The following TLE3 variants were observed in gnomAD, a reference collection of about 807,000 sequenced individuals.
The protein encoded by TLE3 is TLE family member 3, transcriptional corepressor.
A neutral mutation model predicts 93.0 loss-of-function variants in TLE3; 14 were observed. The observed-to-expected ratio is 0.15, with a 90% CI of 0.10 to 0.24. The LOEUF (loss-of-function observed/expected upper bound fraction) is 0.24. Among genes scored for constraint, TLE3 ranks in the 10% least tolerant of loss-of-function variants. The pLI is 1.00. For synonymous variants in TLE3, 451 were observed against 425.0 expected (o/e 1.06, Z -0.75); for missense variants, 693 against 1,046.6 (o/e 0.66, Z 4.66).
intron 4 of TLE3, among the ~76,000 whole-genome samples, chr15:70,089,189 GCCAAGCAAAGC>G (rs2058184982): frequency 6.6e-6 from 1 of 152,134 alleles, no homozygotes; most frequent in Admixed American, 6.5e-5. Context: ...TCAGACTCGC[GCCAAGCAAAGC>G]CCTCAGTGAA....
chr15:70,058,352 G>C lies in TLE3; in HGVS notation c.919-61C>G, dbSNP rs1229442042. 9 of 1,538,770 alleles carry C rather than the reference G, an allele frequency of 5.8e-6. No homozygotes were observed. The highest frequency in any genetic ancestry group is 7.9e-6 in the Non-Finnish European group (9 of 1,141,674). ...AGGCTTCCATTCTCCTAGGAGCCGG[G>C]CACAACTGGTGCCGGTCCCAACGTG... is the stretch of plus-strand genomic sequence containing the variant. On this transcript the variant is annotated intron_variant, in intron 11 of 19. Transcript: ENST00000451782. This position sits in a 1 kb window ranked among gnomAD's most constrained non-coding sequence, Gnocchi z 4.1.
intron 4 of TLE3, among the ~76,000 whole-genome samples, chr15:70,091,856 T>C (rs1473571229): frequency 6.6e-6 from 1 of 152,076 alleles, no homozygotes; most frequent in Non-Finnish European, 1.5e-5. Context: ...AAAAAAAATA[T>C]GTGGTGGTGA....
chr15:70,095,538 G>A lies in TLE3; in HGVS notation c.189+40C>T, dbSNP rs2058513045. On this transcript the variant is annotated intron_variant, in intron 3 of 19. Coordinates refer to ENST00000451782, the MANE Select transcript of TLE3 (RefSeq NM_001105192.3). The stretch of plus-strand genomic sequence containing the variant: ...CCACGCCGCGCCCCCGGCCGGGGTC[G>A]GCGCCCCAACCGCCCCCCAGGCCCG... 5.2e-6 allele frequency: 8 copies of A among 1,547,376 alleles called. No individual in the cohort carries two copies. In the South Asian group the frequency reaches 9.5e-5, roughly 18 times the overall value.
chr15:70,093,727 A>T (rs1164106893), intron 4 of TLE3, among the ~76,000 whole-genome samples: 9 of 152,180 alleles, frequency 5.9e-5, no homozygotes, highest in Non-Finnish European at 2.9e-5. Context: ...GGGTGTTTGT[A>T]TTTGCTCGGT....
At chr15:70,084,179 C>T (rs972553535) in intron 4 of TLE3, among the ~76,000 whole-genome samples, 1 of 152,202 alleles carries the variant, frequency 6.6e-6, no homozygotes, top group Non-Finnish European at 1.5e-5. Context: ...CACAGGAAGA[C>T]CAGGTGGTAA....
rs1198204964 is a variant in TLE3, at chr15:70,057,627, G to A, written c.1083C>T (p.Thr361=). Residue 361 remains threonine (T), a synonymous_variant, in exon 13 of 20, where the codon ACC becomes ACT. Coordinates refer to ENST00000451782, the MANE Select transcript of TLE3 (RefSeq NM_001105192.3). The stretch of plus-strand genomic sequence containing the variant: ...TGGCGAAGGGCGCCGCATAGGAGCT[G>A]GTGATGGAGATGGGCGTGCGCAGAG... ...ASALRTPISI[T]SSYAAPFAMM... The A allele has an allele frequency of 1.3e-6, 2 of 1,585,802 alleles. No individual in the cohort carries two copies. Among genetic ancestry groups the A allele is most frequent in the Non-Finnish European group, 1.7e-6 (2 of 1,169,466 alleles).
intron 10 of TLE3, 68 bp downstream of exon 10, chr15:70,059,342 A>T (rs1212382706): frequency 6.5e-7 from 1 of 1,537,190 alleles, no homozygotes; most frequent in Non-Finnish European, 8.8e-7. Flanking sequence ...AATAGATCCC[A>T]CCCTGGGGAG....
chr15:70,055,447 A>C, intron 14 of TLE3, 149 bp from the exon 15 acceptor site: 10 of 1,046,608 alleles, frequency 9.6e-6, no homozygotes, highest in Non-Finnish European at 1.3e-5. Context: ...CAGTAACCCC[A>C]TGTACTGGGA....
chr15:70,051,950 G>A (rs1566978336), intron 18 of TLE3, among the ~76,000 whole-genome samples: 1 of 152,180 alleles, frequency 6.6e-6, no homozygotes, highest in African/African-American at 2.4e-5. Context: ...TGCTATTCCC[G>A]ACCAGAGAGA....
chr15:70,065,753 A>G (rs2056774253), intron 7 of TLE3, among the ~76,000 whole-genome samples: 1 of 152,224 alleles, frequency 6.6e-6, no homozygotes, highest in Non-Finnish European at 1.5e-5. Context: ...AGGGTGTTGT[A>G]GGAAGATGGG....
At chr15:70,095,133 G>A (rs975896486) in intron 3 of TLE3, among the ~76,000 whole-genome samples, 50 of 152,184 alleles carry the variant, frequency 3.3e-4, no homozygotes, top group African/African-American at 8.7e-4. Context: ...GGGGAAGGAG[G>A]GCTTCTGTCC....
rs971889364 is a variant in TLE3 at position 70,057,609 on chromosome 15, G to A, written c.1101C>T (p.Pro367=). 2.5e-6 allele frequency: 4 copies of A among 1,592,638 alleles called. No individual in the cohort carries two copies. Among genetic ancestry groups the A allele is most frequent in the Non-Finnish European group, 3.4e-6 (4 of 1,171,778 alleles). The change falls in exon 13 of 20, where the codon CCC becomes CCT. Residue 367 remains proline, a synonymous_variant. Transcript: ENST00000451782. ...PISITSSYAA[P]FAMMSHHEMN... is the part of the protein sequence containing the mutation. ...TCTCATGGTGGCTCATCATGGCGAA[G>A]GGCGCCGCATAGGAGCTGGTGATGG...
chr15:70,058,921 G>T lies in TLE3; in HGVS notation c.766-106C>A. 1 of 1,401,876 alleles carries T rather than the reference G, an allele frequency of 7.1e-7. No individual in the cohort carries two copies. The highest frequency in any genetic ancestry group is 9.3e-7 in the Non-Finnish European group (1 of 1,071,672). 86.8% of individuals were successfully genotyped at this position (1,401,876 alleles called of 1,614,324 possible). On this transcript the variant is annotated intron_variant, in intron 10 of 19. Transcript: ENST00000451782. The surrounding 1 kb of genome is among the most constrained non-coding windows in gnomAD (Gnocchi z 4.1). ...GAGGGCATGGGCGATGGGAAGACGA[G>T]CTTGGCTGAAAGACTGGGGGCCCCA...
chr15:70,064,464 T>C lies in TLE3; in HGVS notation c.584A>G (p.Glu195Gly). Residue 195 changes from glutamate to glycine, a missense_variant, in exon 8 of 20, where the codon GAA (glutamate) becomes GGA (glycine). Physicochemically the swap from Glu to Gly is moderately conservative, Grantham distance 98. This residue lies in a region of TLE3 where 405 missense variants were observed against 468.9 expected (regional missense o/e 0.86). Transcript: ENST00000451782. Reference sequence around the variant, plus strand: ...AGTGCCAACACTTACCGCACTGGATTCTCTCTCTTTGGGGAAAGAAGGCCA... The same window carrying C: ...AGTGCCAACACTTACCGCACTGGATCCTCTCTCTTTGGGGAAAGAAGGCCA... ...NHHELDHRER[E>G]SSANNSVSPS... 1 of 1,613,846 alleles carries C rather than the reference T, an allele frequency of 6.2e-7. No homozygotes were observed. The highest frequency in any genetic ancestry group is 8.5e-7 in the Non-Finnish European group (1 of 1,179,808).
At chr15:70,052,917 C>T (rs1430486868) in intron 17 of TLE3, 4 of 362,482 alleles carry the variant, frequency 1.1e-5, no homozygotes, top group Non-Finnish European at 1.5e-5. Flanking sequence ...CAGGTGCCCA[C>T]ATCAGACCTA....
intron 4 of TLE3, among the ~76,000 whole-genome samples, chr15:70,082,170 T>G (rs1424690884): frequency 6.6e-6 from 1 of 152,236 alleles, no homozygotes; most frequent in Non-Finnish European, 1.5e-5. Context: ...TAACTTAAAA[T>G]ATCCCATTGC....
At chr15:70,055,845 T>G in intron 14 of TLE3, 1 of 248,862 alleles carries the variant, frequency 4.0e-6, no homozygotes, top group East Asian at 1.1e-4. Flanking sequence ...GGCTCAATCT[T>G]TTAGTTTCCT....
intron 6 of TLE3, among the ~76,000 whole-genome samples, chr15:70,073,191 C>T (rs1172688144): frequency 1.3e-5 from 2 of 152,134 alleles, no homozygotes; most frequent in East Asian, 3.9e-4. Flanking sequence ...TTCCAGCCTC[C>T]CAGCATTCCT....
At chr15:70,081,264 A>T (rs139639907) in intron 4 of TLE3, among the ~76,000 whole-genome samples, 1 of 152,264 alleles carries the variant, frequency 6.6e-6, no homozygotes, top group African/African-American at 2.4e-5. Flanking sequence ...TAGAACCCTA[A>T]ATATTCCCGA....
Sources: gnomAD v4.1 joint callset for allele counts (sites outside exome capture counted in the v4.1 genomes callset) on GRCh38, gnomAD v4.1.1 for gene constraint, gnomAD v4.1.1 regional missense constraint, Gnocchi (gnomAD v3.1) non-coding constraint, MANE v1.5 for transcripts, NCBI Gene and HGNC (gene_info 2026-07-23, HGNC 2026-07-21) for gene names.